PTPRD: variants seen among roughly 807,000 people sequenced by gnomAD.
PTPRD encodes the protein receptor-type tyrosine-protein phosphatase delta.
Under a neutral mutation model 214.5 loss-of-function variants are expected in PTPRD, and 34 were observed. The ratio of observed to expected loss-of-function variants is 0.16; its 90% CI spans 0.12 to 0.21. The LOEUF (loss-of-function observed/expected upper bound fraction) is 0.21, where lower values mean the gene tolerates loss of function less well. PTPRD is among the 10% of genes least tolerant of loss of function. The probability of loss-of-function intolerance (pLI) is 1.00; values close to 1 mark genes in which losing one functional copy is unlikely to be tolerated. For synonymous variants in PTPRD, 1,128 were observed against 845.7 expected, an observed-to-expected ratio of 1.33 and a Z score of -5.79; for missense variants, 2,545 against 2,398.7, an observed-to-expected ratio of 1.06 and a Z score of -1.27.
chr9:10,517,156 G>A (rs1251003648), intron 2 of PTPRD, among the ~76,000 whole-genome samples: 1 of 151,840 alleles, frequency 6.6e-6, no homozygotes, highest in Non-Finnish European at 1.5e-5. Context: ...ATAATTTTAG[G>A]TAGTATAGAC....
chr9:10,472,252 T>TAAG (rs2099035841), intron 2 of PTPRD, among the ~76,000 whole-genome samples: 1 of 152,142 alleles, frequency 6.6e-6, no homozygotes, highest in Non-Finnish European at 1.5e-5. Flanking sequence ...AATGAACCTC[T>TAAG]TTTTCAAGAC....
intron 3 of PTPRD, among the ~76,000 whole-genome samples, chr9:10,245,998 A>G (rs1408891822): frequency 2.0e-5 from 3 of 152,186 alleles, no homozygotes; most frequent in Admixed American, 1.3e-4. Context: ...GTTAAACCAC[A>G]TTAGGAAATA....
chr9:10,564,119 C>T (rs1419207958), intron 2 of PTPRD, among the ~76,000 whole-genome samples: 2 of 146,534 alleles, frequency 1.4e-5, no homozygotes, highest in African/African-American at 2.5e-5. Flanking sequence ...CCCACCTCAG[C>T]CTCCCGAGTG....
chr9:9,469,515 A>G (rs1427471997), intron 8 of PTPRD, among the ~76,000 whole-genome samples: 1 of 152,200 alleles, frequency 6.6e-6, no homozygotes, highest in Admixed American at 6.5e-5. Flanking sequence ...GAGTTGGTTT[A>G]TAGTAACAAT....
At chr9:9,500,815 G>T (rs1569568842) in intron 8 of PTPRD, among the ~76,000 whole-genome samples, 1 of 151,862 alleles carries the variant, frequency 6.6e-6, no homozygotes, top group Admixed American at 6.6e-5. Flanking sequence ...GTTTTGGGAG[G>T]GTGTTACAAT....
chr9:9,264,898 GAAA>G (rs34152157), intron 9 of PTPRD, among the ~76,000 whole-genome samples: 1,522 of 141,408 alleles, frequency 0.011, 11 homozygotes, highest in African/African-American at 0.019. Context: ...AGTGATGAAA[GAAA>G]AAAAAAAAAA....
At chr9:10,411,979 T>C (rs560252719) in intron 2 of PTPRD, among the ~76,000 whole-genome samples, 38 of 151,960 alleles carry the variant, frequency 2.5e-4, no homozygotes, top group African/African-American at 8.7e-4. Context: ...TATACTGTAC[T>C]TCAAAATTAG....
chr9:8,846,454 C>A (rs1442837369), intron 11 of PTPRD, among the ~76,000 whole-genome samples: 2 of 152,110 alleles, frequency 1.3e-5, no homozygotes, highest in South Asian at 4.1e-4. Flanking sequence ...TAAGCAATTA[C>A]AATGCATTAT....
intron 14 of PTPRD, among the ~76,000 whole-genome samples, chr9:8,599,576 G>C (rs1471299096): frequency 6.6e-6 from 1 of 150,444 alleles, no homozygotes; most frequent in Non-Finnish European, 1.5e-5. Flanking sequence ...AGATGGATGA[G>C]GGCTCTACTG....
chr9:9,174,800 T>C (rs2099923612), intron 10 of PTPRD, among the ~76,000 whole-genome samples: 3 of 152,178 alleles, frequency 2.0e-5, no homozygotes. Flanking sequence ...TTTGGAACCA[T>C]TTAATGTGCT....
chr9:9,923,314 A>AT (rs769645611), intron 5 of PTPRD, among the ~76,000 whole-genome samples: 17 of 151,734 alleles, frequency 1.1e-4, no homozygotes, highest in Non-Finnish European at 2.1e-4. Context: ...AAGAAAATCT[A>AT]TCAAAAGTTA....
intron 2 of PTPRD, among the ~76,000 whole-genome samples, chr9:10,378,269 CTT>C (rs1044467706): frequency 1.3e-5 from 2 of 151,902 alleles, no homozygotes; most frequent in African/African-American, 4.8e-5. Context: ...TGGGTTGTCT[CTT>C]TACTTTGTTA....
intron 9 of PTPRD, among the ~76,000 whole-genome samples, chr9:9,324,831 C>T (rs1029308085): frequency 6.6e-6 from 1 of 152,172 alleles, no homozygotes; most frequent in African/African-American, 2.4e-5. Context: ...TTAGGTCTAA[C>T]ATGTAAGTCT....
chr9:10,402,243 T>C (rs1443613746), intron 2 of PTPRD, among the ~76,000 whole-genome samples: 1 of 151,678 alleles, frequency 6.6e-6, no homozygotes, highest in African/African-American at 2.4e-5. Context: ...AATAGCTACA[T>C]GGGGATTTAT....
chr9:9,414,686 T>A (rs1236847802), intron 8 of PTPRD: 1 of 152,200 alleles, frequency 6.6e-6, no homozygotes, highest in East Asian at 1.9e-4. Flanking sequence ...CAGGACAATT[T>A]ACCCTCAAGA....
chr9:8,436,579 C>A lies in PTPRD; in HGVS notation c.4086+13G>T. The A allele has an allele frequency of 6.3e-7, 1 of 1,582,126 alleles. No individual in the cohort carries two copies. Among genetic ancestry groups the A allele is most frequent in the Non-Finnish European group, 8.7e-7 (1 of 1,151,958 alleles). ...TCTTGAAATTACTGTAAAGAATAAA[C>A]ACAGTGAATTACCTCATATTCCTGG... On this transcript the variant is annotated intron_variant, in intron 35 of 45. Coordinates refer to ENST00000381196, the MANE Select transcript of PTPRD (RefSeq NM_002839.4).
At chr9:10,226,859 A>T (rs2099590540) in intron 3 of PTPRD, among the ~76,000 whole-genome samples, 1 of 152,020 alleles carries the variant, frequency 6.6e-6, no homozygotes, top group South Asian at 2.1e-4. Context: ...TATATTTACC[A>T]CTCATTAAAT....
At chr9:9,438,998 T>C (rs2086433003) in intron 8 of PTPRD, among the ~76,000 whole-genome samples, 1 of 152,142 alleles carries the variant, frequency 6.6e-6, no homozygotes. Context: ...TATGAAATAA[T>C]ACACTCAAAT....
chr9:9,177,560 C>T (rs2099925663), intron 10 of PTPRD, among the ~76,000 whole-genome samples: 1 of 151,910 alleles, frequency 6.6e-6, no homozygotes, highest in Admixed American at 6.6e-5. Flanking sequence ...ATTATGAACT[C>T]AAATTAAACT....
Sources: allele counts gnomAD v4.1 joint callset (sites outside exome capture counted in the v4.1 genomes callset), GRCh38; gene constraint gnomAD v4.1.1; transcripts MANE v1.5; gene names NCBI Gene and HGNC (gene_info 2026-07-23, HGNC 2026-07-21).